NBEA: variants seen among roughly 807,000 people sequenced by gnomAD.
NBEA encodes neurobeachin, also known as lysosomal-trafficking regulator 2.
NBEA carries 44 observed loss-of-function variants against 343.4 expected under a neutral mutation model. The observed-to-expected ratio is 0.13, with a 90% CI of 0.10 to 0.16. The LOEUF is 0.16. NBEA is among the 10% of genes least tolerant of loss of function. The pLI, the probability that NBEA is intolerant of heterozygous loss-of-function variation, is 1.00. For missense variants in NBEA, 2,555 were observed against 3,631.3 expected (o/e 0.70, Z 7.62); for synonymous variants, 1,175 against 1,238.7 (o/e 0.95, Z 1.08).
chr13:35,049,759 A>G (rs2062999004), intron 5 of NBEA, among the ~76,000 whole-genome samples: 1 of 151,870 alleles, frequency 6.6e-6, no homozygotes, highest in African/African-American at 2.4e-5. Flanking sequence ...ACTATATTTC[A>G]TAGTTACATC....
At chr13:35,380,620 A>C (rs1198135680) in intron 38 of NBEA, among the ~76,000 whole-genome samples, 1 of 152,130 alleles carries the variant, frequency 6.6e-6, no homozygotes, top group Non-Finnish European at 1.5e-5. Context: ...TTTCCTGCAT[A>C]TACTTTTATC....
chr13:35,196,071 A>G lies in NBEA; in HGVS notation c.5135A>G (p.Lys1712Arg), dbSNP rs770556875. 1 of 1,613,672 alleles carries G rather than the reference A, an allele frequency of 6.2e-7. No homozygotes were observed. ...TTATCCACTTTGTCATCCGAAGTGA[A>G]GAAATCACAAGAGAGCTTAACTGAA... is the stretch of plus-strand genomic sequence containing the variant. ...ELLSTLSSEV[K>R]KSQESLTENP... The change falls in exon 31 of 59, where the codon AAG becomes AGG. Residue 1712 changes from lysine (K) to arginine (R), a missense_variant. Physicochemically the swap from Lys to Arg is conservative, Grantham distance 26. Transcript: ENST00000379939.
rs535227795 is a variant in NBEA, at chr13:35,397,633, G to A, written c.6180-34636G>A. ...AATACACACATACATCAGAGATACT[G>A]TGGGTTCAGTTCCAGACCACTACAA... On this transcript the variant is annotated intron_variant, in intron 38 of 58. Coordinates refer to ENST00000379939, the MANE Select transcript of NBEA (RefSeq NM_001385012.1). Among the ~76,000 whole-genome samples the A allele has an allele frequency of 7.2e-5, 11 of 152,224 alleles. No homozygotes were observed. The South Asian group carries it at 2.3e-3, about 32-fold the overall frequency.
chr13:35,472,726 A>G (rs1345774052), intron 41 of NBEA, among the ~76,000 whole-genome samples, 190 bp downstream of exon 41: 1 of 152,214 alleles, frequency 6.6e-6, no homozygotes, highest in Non-Finnish European at 1.5e-5. Flanking sequence ...TAAATCCTGT[A>G]TTACCAGAGC....
intron 1 of NBEA, among the ~76,000 whole-genome samples, chr13:34,971,167 C>G (rs1489840447): frequency 6.6e-6 from 1 of 151,942 alleles, no homozygotes; most frequent in Non-Finnish European, 1.5e-5. Flanking sequence ...TGTGGTTTGG[C>G]TCTCAGTGGG....
intron 47 of NBEA, among the ~76,000 whole-genome samples, chr13:35,601,384 T>C (rs977102004): frequency 6.6e-6 from 1 of 152,170 alleles, no homozygotes; most frequent in Non-Finnish European, 1.5e-5. Flanking sequence ...ATTTCTATTA[T>C]GATGGGACAT....
At chr13:35,347,827 C>T (rs2152861978) in intron 36 of NBEA, among the ~76,000 whole-genome samples, 1 of 152,106 alleles carries the variant, frequency 6.6e-6, no homozygotes, top group South Asian at 2.1e-4. Context: ...CCTGGGTCTG[C>T]AGTGTCCTGA....
Position 35,009,256 on chromosome 13 carries a change from T to C in NBEA, c.295-31677T>C, listed in dbSNP as rs572789442. ...CTCTACTCTCCCACAGGTTACATTT[T>C]AGGGACAGTTGATAGGAAATAAAGC... On this transcript the variant is annotated intron_variant, in intron 1 of 58. Transcript: ENST00000379939. Among the ~76,000 whole-genome samples, 6 of 152,326 alleles carry C rather than the reference T, an allele frequency of 3.9e-5. No homozygotes were observed. In the South Asian group the frequency reaches 1.2e-3, roughly 32 times the overall value.
intron 18 of NBEA, 48 bp downstream of exon 18, chr13:35,142,425 A>G (rs1196144446): frequency 7.3e-7 from 1 of 1,378,574 alleles, no homozygotes; most frequent in East Asian, 2.3e-5. Context: ...ATACAGTGGA[A>G]ACCCTCTTAA....
chr13:35,597,959 T>C (rs1340174815), intron 47 of NBEA, among the ~76,000 whole-genome samples: 1 of 152,154 alleles, frequency 6.6e-6, no homozygotes, highest in Non-Finnish European at 1.5e-5. Flanking sequence ...TCGGAGACAG[T>C]CTACCACAGT....
intron 36 of NBEA, among the ~76,000 whole-genome samples, chr13:35,326,013 G>C (rs1324830987): frequency 2.0e-5 from 3 of 151,890 alleles, no homozygotes; most frequent in Non-Finnish European, 2.9e-5. Flanking sequence ...CCATTGGTTT[G>C]TATGTGTGTT....
At chr13:35,270,802 A>G (rs1018110727) in intron 34 of NBEA, among the ~76,000 whole-genome samples, 15 of 152,300 alleles carry the variant, frequency 9.8e-5, no homozygotes, top group African/African-American at 3.6e-4. Context: ...CTGAGGCTTT[A>G]GTAGGCAGGT....
chr13:35,327,739 A>G (rs942135124), intron 36 of NBEA, among the ~76,000 whole-genome samples: 3 of 151,964 alleles, frequency 2.0e-5, no homozygotes, highest in Non-Finnish European at 4.4e-5. Context: ...CAATATACCC[A>G]GGTAACGATC....
intron 38 of NBEA, among the ~76,000 whole-genome samples, chr13:35,407,751 C>T (rs1331184844): frequency 6.6e-6 from 1 of 152,150 alleles, no homozygotes. Context: ...GGAATGAACT[C>T]CCATTCACAA....
rs948628708 is a variant in NBEA at position 35,272,230 on chromosome 13, C to G, written c.5777-18159C>G. On this transcript the variant is annotated intron_variant, in intron 34 of 58. Coordinates refer to ENST00000379939, the MANE Select transcript of NBEA (RefSeq NM_001385012.1). Reference sequence around the variant, plus strand: ...ATTCTTGAAGAAAATAATTTTCAACCCAGAATCCCATATCCAGCCAAACTA... The same window carrying G: ...ATTCTTGAAGAAAATAATTTTCAACGCAGAATCCCATATCCAGCCAAACTA... Among the ~76,000 whole-genome samples, 5 of 152,190 alleles carry G rather than the reference C, an allele frequency of 3.3e-5. No individual in the cohort carries two copies. In the East Asian group the frequency reaches 9.7e-4, roughly 29 times the overall value.
intron 11 of NBEA, among the ~76,000 whole-genome samples, chr13:35,105,385 C>G (rs1037957456): frequency 6.6e-6 from 1 of 151,934 alleles, no homozygotes; most frequent in Non-Finnish European, 1.5e-5. Context: ...GCTGGGTTAT[C>G]TAAGTCTCAA....
intron 1 of NBEA, among the ~76,000 whole-genome samples, chr13:35,038,356 A>G (rs1372597121): frequency 1.3e-5 from 2 of 152,018 alleles, no homozygotes; most frequent in East Asian, 1.9e-4. Flanking sequence ...TTGGTGCTCT[A>G]CCCTACTGTA....
chr13:35,541,179 G>A (rs1464966629), intron 41 of NBEA, among the ~76,000 whole-genome samples: 3 of 150,074 alleles, frequency 2.0e-5, no homozygotes, highest in South Asian at 2.1e-4. Context: ...GTCTGTGTCC[G>A]TTGCCCCCCC....
chr13:35,017,697 G>C (rs578162114), intron 1 of NBEA, among the ~76,000 whole-genome samples: 1 of 151,786 alleles, frequency 6.6e-6, no homozygotes, highest in Non-Finnish European at 1.5e-5. Context: ...TATATTCTGG[G>C]TACAAGTCTT....
Sources: gnomAD v4.1 joint callset for allele counts (sites outside exome capture counted in the v4.1 genomes callset) on GRCh38, gnomAD v4.1.1 for gene constraint, MANE v1.5 for transcripts, NCBI Gene and HGNC (gene_info 2026-07-23, HGNC 2026-07-21) for gene names.